The following TMC1 variants were observed in gnomAD, a reference collection of about 807,000 sequenced individuals.
TMC1 encodes transmembrane channel like 1, also known as transmembrane channel-like protein 1.
A neutral mutation model predicts 105.8 loss-of-function variants in TMC1; 84 were observed. That is an observed-to-expected ratio of 0.79 (90% CI 0.67 to 0.95). The LOEUF (loss-of-function observed/expected upper bound fraction) is 0.95, where lower values mean the gene tolerates loss of function less well. Among genes scored for constraint, TMC1 ranks in the 40% least tolerant of loss-of-function variants. The pLI, the probability that TMC1 is intolerant of heterozygous loss-of-function variation, is 0.00. For synonymous variants in TMC1, 315 were observed against 311.5 expected, an observed-to-expected ratio of 1.01 and a Z score of -0.12; for missense variants, 817 against 914.1, an observed-to-expected ratio of 0.89 and a Z score of 1.37.
chr9:72,786,236 A>C (rs1387271674), intron 13 of TMC1, among the ~76,000 whole-genome samples: 1 of 152,170 alleles, frequency 6.6e-6, no homozygotes, highest in African/African-American at 2.4e-5. Flanking sequence ...ACGAGGCAGA[A>C]TATCGAGACA....
chr9:72,556,668 A>T (rs1264191779), intron 1 of TMC1, among the ~76,000 whole-genome samples: 1 of 151,392 alleles, frequency 6.6e-6, no homozygotes, highest in Non-Finnish European at 1.5e-5. Context: ...AAAATACAAA[A>T]AAAATTAGCC....
chr9:72,565,400 G>C (rs529410931), intron 1 of TMC1, among the ~76,000 whole-genome samples: 8 of 152,100 alleles, frequency 5.3e-5, no homozygotes, highest in Non-Finnish European at 1.0e-4. Flanking sequence ...TCTTATTCCT[G>C]CTAGGAATGA....
chr9:72,524,718 G>A (rs551652211), intron 1 of TMC1, among the ~76,000 whole-genome samples: 2 of 152,226 alleles, frequency 1.3e-5, no homozygotes, highest in African/African-American at 2.4e-5. Context: ...GAAAAGATAG[G>A]TATGCATTCT....
At chr9:72,789,998 G>C (rs563793484) in intron 15 of TMC1, among the ~76,000 whole-genome samples, 1 of 152,170 alleles carries the variant, frequency 6.6e-6, no homozygotes, top group African/African-American at 2.4e-5. Flanking sequence ...TGCCTTTAGA[G>C]TATCTGCCCA....
chr9:72,695,420 G>A (rs946487858), intron 7 of TMC1, among the ~76,000 whole-genome samples: 3 of 152,180 alleles, frequency 2.0e-5, no homozygotes, highest in Non-Finnish European at 4.4e-5. Context: ...GAAATTTGCA[G>A]ATAGCAGGCA....
Position 72,702,035 on chromosome 9 carries a change from G to A in TMC1, c.362+1392G>A, listed in dbSNP as rs184456983. ...TACATTAAAATAATTTTCATTTAGC[G>A]AAGTGATAATGATGCTAAATTATAG... On this transcript the variant is annotated intron_variant, in intron 8 of 23. Coordinates refer to ENST00000297784, the MANE Select transcript of TMC1 (RefSeq NM_138691.3). 1.9e-4 allele frequency among the ~76,000 whole-genome samples: 29 copies of A among 152,200 alleles called. No individual in the cohort carries two copies. The East Asian group carries it at 4.4e-3, about 23-fold the overall frequency.
At chr9:72,816,685 G>A (rs1828793468) in intron 19 of TMC1, among the ~76,000 whole-genome samples, 1 of 152,082 alleles carries the variant, frequency 6.6e-6, no homozygotes, top group African/African-American at 2.4e-5. Context: ...TGAAACGCAT[G>A]TTTTAGGAAG....
At chr9:72,789,060 T>A in intron 14 of TMC1, 63 bp from the exon 15 acceptor site, 1 of 1,527,932 alleles carries the variant, frequency 6.5e-7, no homozygotes, top group Non-Finnish European at 9.0e-7. Context: ...TTGATACTTT[T>A]AAAATGTAGC....
At chr9:72,771,873 G>T (rs555943299) in intron 12 of TMC1, among the ~76,000 whole-genome samples, 4 of 152,170 alleles carry the variant, frequency 2.6e-5, no homozygotes, top group Non-Finnish European at 4.4e-5. Flanking sequence ...GGAATGCTGT[G>T]ATAGTCTTGA....
At chr9:72,755,932 C>G (rs1423503991) in intron 12 of TMC1, among the ~76,000 whole-genome samples, 1 of 152,144 alleles carries the variant, frequency 6.6e-6, no homozygotes, top group Non-Finnish European at 1.5e-5. Context: ...CCACTACAGG[C>G]TAAATGAATC....
At chr9:72,581,750 A>G (rs1187486536) in intron 2 of TMC1, among the ~76,000 whole-genome samples, 1 of 152,194 alleles carries the variant, frequency 6.6e-6, no homozygotes, top group African/African-American at 2.4e-5. Flanking sequence ...GGAGTGACTC[A>G]AAAGTCTGGT....
At position 72,596,412 on chromosome 9, in the gene TMC1, T is replaced by C. The variant is rs144392440; in HGVS notation, c.-306+18389T>C. Among the ~76,000 whole-genome samples, 705 of 152,150 alleles carry C rather than the reference T, an allele frequency of 4.6e-3. 7 individuals are homozygous for C. The highest frequency in any genetic ancestry group is 0.016 in the African/African-American group (685 of 41,524). ...TTAAATCCATGGCCAGAACTAATCA[T>C]GTTGTCCCACTCACCACAAAGCCAT... On this transcript the variant is annotated intron_variant, in intron 2 of 23. Transcript: ENST00000297784.
At chr9:72,701,648 T>C (rs1588039370) in intron 8 of TMC1, among the ~76,000 whole-genome samples, 1 of 152,308 alleles carries the variant, frequency 6.6e-6, no homozygotes, top group East Asian at 1.9e-4. Context: ...CTGAAATAGC[T>C]ATCAGGATAA....
At chr9:72,595,556 T>A (rs1205065883) in intron 2 of TMC1, among the ~76,000 whole-genome samples, 1 of 152,214 alleles carries the variant, frequency 6.6e-6, no homozygotes, top group Non-Finnish European at 1.5e-5. Flanking sequence ...CGCTGTTTAC[T>A]TTTTCCATTC....
Position 72,830,822 on chromosome 9 carries a change from C to T in TMC1, c.2260+140C>T, listed in dbSNP as rs1829031774. On this transcript the variant is annotated intron_variant, in intron 23 of 23. Transcript: ENST00000297784. ...CGAGTCATTCCACAATCCTTACCTT[C>T]CACCTTTTTAGCCCTTCTCAGGCAT... 10 of 760,774 alleles carry T rather than the reference C, an allele frequency of 1.3e-5. No homozygotes were observed. The South Asian group carries it at 1.7e-4, about 13-fold the overall frequency. 47.1% of individuals were successfully genotyped at this position (760,774 alleles called of 1,614,324 possible).
chr9:72,615,142 G>C (rs1825106062), intron 2 of TMC1, among the ~76,000 whole-genome samples: 1 of 152,128 alleles, frequency 6.6e-6, no homozygotes, highest in Non-Finnish European at 1.5e-5. Flanking sequence ...TAAATACATA[G>C]TTTAATCTTA....
At chr9:72,725,999 A>G (rs1827118857) in intron 8 of TMC1, among the ~76,000 whole-genome samples, 1 of 152,082 alleles carries the variant, frequency 6.6e-6, no homozygotes, top group Non-Finnish European at 1.5e-5. Flanking sequence ...CTCAAATGTT[A>G]ATCTCTTTTG....
chr9:72,714,537 T>A lies in TMC1; in HGVS notation c.362+13894T>A, dbSNP rs894416642. The stretch of plus-strand genomic sequence containing the variant: ...TATGTAATGCTCTTCTTTGTCTTTT[T>A]TTGATGTTTGTTGGTTTAAAGTCTG... On this transcript the variant is annotated intron_variant, in intron 8 of 23. Coordinates refer to ENST00000297784, the MANE Select transcript of TMC1 (RefSeq NM_138691.3). Among the ~76,000 whole-genome samples the A allele has an allele frequency of 2.0e-5, 3 of 152,232 alleles. No homozygotes were observed. The East Asian group carries it at 5.8e-4, about 29-fold the overall frequency.
At chr9:72,615,753 ATT>A (rs35200835) in intron 2 of TMC1, among the ~76,000 whole-genome samples, 2 of 139,078 alleles carry the variant, frequency 1.4e-5, no homozygotes, top group Non-Finnish European at 3.1e-5. Context: ...CACCTTTCTT[ATT>A]TTTTTTTTTT....
Sources: gnomAD v4.1 joint callset for allele counts (sites outside exome capture counted in the v4.1 genomes callset) on GRCh38, gnomAD v4.1.1 for gene constraint, MANE v1.5 for transcripts, NCBI Gene and HGNC (gene_info 2026-07-23, HGNC 2026-07-21) for gene names.